GRM6: variants seen among roughly 807,000 people sequenced by gnomAD.
GRM6 encodes the protein metabotropic glutamate receptor 6.
In GRM6, 73 loss-of-function variants were observed where a neutral mutation model predicts 78.4. That is an observed-to-expected ratio of 0.93 (90% confidence interval 0.77 to 1.13). The LOEUF (loss-of-function observed/expected upper bound fraction) is 1.13, where lower values mean the gene tolerates loss of function less well. Ranked by LOEUF, GRM6 falls within the 50% of genes most tolerant of loss-of-function variation. The probability of loss-of-function intolerance (pLI) is 0.00; values close to 1 mark genes in which losing one functional copy is unlikely to be tolerated. For synonymous variants in GRM6, 580 were observed against 555.0 expected (o/e 1.05, Z -0.63); for missense variants, 1,251 against 1,256.4 (o/e 1.00, Z 0.07).
rs1206428210 is a variant in GRM6, at chr5:178,994,974, G to C, written c.-16-14C>G. 123 of 1,141,124 alleles carry C rather than the reference G, an allele frequency of 1.1e-4. No homozygotes were observed. The highest frequency in any genetic ancestry group is 1.3e-4 in the Non-Finnish European group (120 of 928,744). The allele number at this position is 1,141,124 out of a possible 1,614,324, so 70.7% of individuals were successfully genotyped here. ...TCGTCTAGCGGGCTGCGGGGAGACA[G>C]AGGGGCGGGGAGCGCTCTGAGGGCG... is the stretch of plus-strand genomic sequence containing the variant. On this transcript the variant is annotated splice_polypyrimidine_tract_variant and intron_variant, in intron 1 of 10. Transcript: ENST00000517717.
At position 178,989,286 on chromosome 5, in the gene GRM6, C is replaced by T. The variant is rs747002032; in HGVS notation, c.1132G>A (p.Asp378Asn). Residue 378 changes from aspartate (D) to asparagine (N), a missense_variant, in exon 6 of 11, where the codon GAT becomes AAT. By Grantham distance (23) the Asp-to-Asn change is conservative. Coordinates refer to ENST00000517717, the MANE Select transcript of GRM6 (RefSeq NM_000843.4). Reference protein sequence around the residue: ...KLTSSGTQSDDSTRKCTGEER... With the variant: ...KLTSSGTQSDNSTRKCTGEER... ...TCACCTGTGCATTTGCGGGTGGAAT[C>T]GTCTGACTGGGTACCTGAGCTGGTC... 15 of 1,604,228 alleles carry T rather than the reference C, an allele frequency of 9.4e-6. No individual in the cohort carries two copies. The highest frequency in any genetic ancestry group is 5.5e-5 in the South Asian group (5 of 90,576).
At chr5:178,993,004 G>A (rs1420459863) in intron 2 of GRM6, among the ~76,000 whole-genome samples, 1 of 152,116 alleles carries the variant, frequency 6.6e-6, no homozygotes, top group Non-Finnish European at 1.5e-5. Context: ...GGTCCTCCCA[G>A]CTCTCCTGGA....
intron 2 of GRM6, among the ~76,000 whole-genome samples, chr5:178,993,880 C>T (rs1760726678): frequency 6.6e-6 from 1 of 152,132 alleles, no homozygotes. Flanking sequence ...GCCCTGCTCT[C>T]AGATGCCCCT....
At chr5:178,993,666 C>T (rs534525393) in intron 2 of GRM6, among the ~76,000 whole-genome samples, 1 of 152,328 alleles carries the variant, frequency 6.6e-6, no homozygotes, top group Non-Finnish European at 1.5e-5. Flanking sequence ...AACTGTCCCA[C>T]AACCCCCAGT....
chr5:178,993,664 C>T (rs1025936700), intron 2 of GRM6, among the ~76,000 whole-genome samples: 3 of 152,166 alleles, frequency 2.0e-5, no homozygotes, highest in Admixed American at 1.3e-4. Context: ...AAAACTGTCC[C>T]ACAACCCCCA....
chr5:178,991,539 A>T lies in GRM6; in HGVS notation c.742T>A (p.Ser248Thr), dbSNP rs1342105135. 2 of 1,613,766 alleles carry T rather than the reference A, an allele frequency of 1.2e-6. No homozygotes were observed. Among genetic ancestry groups the T allele is most frequent in the African/African-American group, 2.7e-5 (2 of 74,914 alleles). ...TTTGGTTCCCTGGGAATCTTGATAG[A>T]CTGGGCAATACAGACCCCCCCTGGG... is the stretch of plus-strand genomic sequence containing the variant. ...REAGGVCIAQ[S>T]IKIPREPKPG... The change falls in exon 4 of 11, where the codon TCT (serine) becomes ACT (threonine). Residue 248 changes from serine to threonine, a missense_variant. Physicochemically the swap from Ser to Thr is moderately conservative, Grantham distance 58. Transcript: ENST00000517717. The surrounding 1 kb of genome is among the most constrained non-coding windows in gnomAD (Gnocchi z 5.0).
Position 178,983,639 on chromosome 5 carries a change from C to G in GRM6, c.2125-418G>C, listed in dbSNP as rs76759810. On this transcript the variant is annotated intron_variant, in intron 9 of 10. Transcript: ENST00000517717. ...TCGCATCGCCTCTCTAGCCTCCTCA[C>G]GTGTACTGAGCTTCAAAATCAGGGC... The G allele has an allele frequency of 6.3e-4, 224 of 353,604 alleles. 2 individuals carry two copies. In the East Asian group the frequency reaches 0.017, roughly 26 times the overall value. 21.9% of individuals were successfully genotyped at this position (353,604 alleles called of 1,614,324 possible). A position where few individuals can be genotyped will look rare whatever the true frequency, so the allele number is the denominator to read the frequency against.
chr5:178,991,955 C>T lies in GRM6; in HGVS notation c.633G>A (p.Leu211=). The change falls in exon 3 of 11, where the codon CTG becomes CTA. Residue 211 remains leucine (L), a synonymous_variant. Transcript: ENST00000517717. This position sits in a 1 kb window ranked among gnomAD's most constrained non-coding sequence, Gnocchi z 5.0. ...CCAGCGTGGACACATAGTTCCATCC[C>T]AGTGCCCTCACGATGTCCACCATGG... ...AQAMVDIVRA[L]GWNYVSTLAS... 6.2e-7 allele frequency: 1 copy of T among 1,614,176 alleles called. No homozygotes were observed. Among genetic ancestry groups the T allele is most frequent in the Non-Finnish European group, 8.5e-7 (1 of 1,180,046 alleles).
intron 10 of GRM6, among the ~76,000 whole-genome samples, 162 bp from the exon 11 acceptor site, chr5:178,982,016 G>C (rs1034169915): frequency 1.3e-5 from 2 of 152,326 alleles, no homozygotes; most frequent in Admixed American, 1.3e-4. Context: ...CCCCGCGCCT[G>C]AGGGGCTGGC....
intron 7 of GRM6, among the ~76,000 whole-genome samples, chr5:178,987,794 G>C (rs2856363): frequency 0.96 from 146,445 of 151,920 alleles, 70,833 homozygotes; most frequent in East Asian, 1. Context: ...GAGTCTCACT[G>C]TGTCGCCCAG....
At position 178,986,558 on chromosome 5, in the gene GRM6, G is replaced by A; in HGVS notation, c.1696C>T (p.Pro566Ser). The A allele has an allele frequency of 6.8e-6, 11 of 1,608,144 alleles. No homozygotes were observed. The highest frequency in any genetic ancestry group is 7.6e-6 in the Non-Finnish European group (9 of 1,179,556). The change falls in exon 9 of 11, where the codon CCC (proline) becomes TCC (serine). Residue 566 changes from proline to serine, a missense_variant. Coordinates refer to ENST00000517717, the MANE Select transcript of GRM6 (RefSeq NM_000843.4). ...GTGGGGCGGCAGCCCGTGTGGTTGGGCGTGGGCCTCATGTCCCCAGGACAG... is the reference window on the plus strand; with the variant it reads ...GTGGGGCGGCAGCCCGTGTGGTTGGACGTGGGCCTCATGTCCCCAGGACAG... ...EACPGDMRPT[P>S]NHTGCRPTPV...
rs1422866439 is a variant in GRM6 at position 178,986,657 on chromosome 5, C to G, written c.1597G>C (p.Gly533Arg). Reference sequence around the variant, plus strand: ...TCGCAGTGCCAACAGCAGGGGACGCCCTTCACCATCTTCTTCCGCTCCCCC... The same window carrying G: ...TCGCAGTGCCAACAGCAGGGGACGCGCTTCACCATCTTCTTCCGCTCCCCC... ...GPGERKKMVK[G>R]VPCCWHCEAC... is the part of the protein sequence containing the mutation. Residue 533 changes from glycine to arginine, a missense_variant, in exon 9 of 11, where the codon GGC becomes CGC. Coordinates refer to ENST00000517717, the MANE Select transcript of GRM6 (RefSeq NM_000843.4). The G allele has an allele frequency of 6.2e-7, 1 of 1,602,746 alleles. No individual in the cohort carries two copies. The highest frequency in any genetic ancestry group is 1.1e-5 in the South Asian group (1 of 91,088).
rs2113310932 is a variant in GRM6 at position 178,981,764 on chromosome 5, T to C, written c.2527A>G (p.Ile843Val). The change falls in exon 11 of 11, where the codon ATC becomes GTC. Residue 843 changes from isoleucine (I) to valine (V), a missense_variant. By Grantham distance (29) the Ile-to-Val change is conservative. Transcript: ENST00000517717. The surrounding 1 kb of genome is among the most constrained non-coding windows in gnomAD (Gnocchi z 5.1). ...ACATTCTGCTCTGGATGGAAGAGGA[T>C]GACGTAGGTTTTGGGTACGTAGAGC... is the stretch of plus-strand genomic sequence containing the variant. The part of the protein sequence containing the change: ...GMLYVPKTYV[I>V]LFHPEQNVQK... 1 of 1,613,486 alleles carries C rather than the reference T, an allele frequency of 6.2e-7. No homozygotes were observed. Among genetic ancestry groups the C allele is most frequent in the Non-Finnish European group, 8.5e-7 (1 of 1,179,408 alleles).
At position 178,985,694 on chromosome 5, in the gene GRM6, C is replaced by CT. The variant is rs552114413; in HGVS notation, c.2124+435dup. 2.4e-3 allele frequency: 890 copies of CT among 374,174 alleles called. 12 individuals are homozygous for CT. The highest frequency in any genetic ancestry group is 0.023 in the African/African-American group (827 of 36,120). The allele number at this position is 374,174 out of a possible 1,614,324, so 23.2% of individuals were successfully genotyped here. ...CTCCAGCCTGGGCGACACAGCGAGA[C>CT]TCTGTCTAAAAAAAAAAAAACAAAA... On this transcript the variant is annotated intron_variant, in intron 9 of 10. Coordinates refer to ENST00000517717, the MANE Select transcript of GRM6 (RefSeq NM_000843.4).
rs1434467102 is a variant in GRM6 at position 178,994,677 on chromosome 5, G to A, written c.268C>T (p.Arg90Cys). Residue 90 changes from arginine to cysteine, a missense_variant, in exon 2 of 11, where the codon CGC becomes TGC. Transcript: ENST00000517717. ...NADPELLPGV[R>C]LGARLLDTCS... ...GTGTCCAGCAGCCGCGCGCCCAGGC[G>A]CACGCCGGGCAGCAGCTCGGGGTCG... The A allele has an allele frequency of 1.4e-6, 2 of 1,467,912 alleles. No homozygotes were observed. Among genetic ancestry groups the A allele is most frequent in the East Asian group, 3.0e-5 (1 of 33,460 alleles). 90.9% of individuals were successfully genotyped at this position (1,467,912 alleles called of 1,614,324 possible). A position where few individuals can be genotyped will look rare whatever the true frequency, so the allele number is the denominator to read the frequency against.
rs1399732883 is a variant in GRM6, at chr5:178,994,792, G to A, written c.153C>T (p.Gly51=). The part of the protein sequence containing the change: ...LGGLFPVHAR[G]AAGRACGQLK... ...GCTGCCCGCACGCCCGGCCCGCCGC[G>A]CCCCGCGCGTGCACCGGGAACAGGC... The change falls in exon 2 of 11, where the codon GGC becomes GGT. Residue 51 remains glycine, a synonymous_variant. Coordinates refer to ENST00000517717, the MANE Select transcript of GRM6 (RefSeq NM_000843.4). 6.8e-5 allele frequency: 90 copies of A among 1,317,578 alleles called. No homozygotes were observed. The highest frequency in any genetic ancestry group is 8.2e-5 in the Non-Finnish European group (84 of 1,028,824). 81.6% of individuals were successfully genotyped at this position (1,317,578 alleles called of 1,614,324 possible). A position where few individuals can be genotyped will look rare whatever the true frequency, so the allele number is the denominator to read the frequency against.
chr5:178,982,987 A>G lies in GRM6; in HGVS notation c.2359T>C (p.Phe787Leu). 2.5e-6 allele frequency: 4 copies of G among 1,614,158 alleles called. No homozygotes were observed. The highest frequency in any genetic ancestry group is 3.4e-6 in the Non-Finnish European group (4 of 1,180,000). The change falls in exon 10 of 11, where the codon TTC becomes CTC. Residue 787 changes from phenylalanine to leucine, a missense_variant. Transcript: ENST00000517717. ...ATGATGCAGGTGGTGTACATGGTGAAGCCGATGGGCTTGGCCTCGTTGAAG... is the reference window on the plus strand; with the variant it reads ...ATGATGCAGGTGGTGTACATGGTGAGGCCGATGGGCTTGGCCTCGTTGAAG... ...ETFNEAKPIG[F>L]TMYTTCIIWL...
Position 178,992,700 on chromosome 5 carries a change from G to A in GRM6, c.505-617C>T, listed in dbSNP as rs1760702539. 6.6e-6 allele frequency among the ~76,000 whole-genome samples: 1 copy of A among 152,146 alleles called. No individual in the cohort carries two copies. Among genetic ancestry groups the A allele is most frequent in the South Asian group, 2.1e-4 (1 of 4,824 alleles). On this transcript the variant is annotated intron_variant, in intron 2 of 10. Transcript: ENST00000517717. The surrounding 1 kb of genome is among the most constrained non-coding windows in gnomAD (Gnocchi z 4.9). ...CACGGGGCTGAGAAGGCCGCCAAGA[G>A]GGGGCTATGGGGCTCCAGCGCAAGA...
chr5:178,983,315 A>G, intron 9 of GRM6, 94 bp from the exon 10 acceptor site: 1 of 1,096,214 alleles, frequency 9.1e-7, no homozygotes, highest in East Asian at 2.5e-5. Flanking sequence ...GATCCCCTTG[A>G]GGCTCTGGCC....
Sources: allele counts gnomAD v4.1 joint callset (sites outside exome capture counted in the v4.1 genomes callset), GRCh38; gene constraint gnomAD v4.1.1; non-coding constraint Gnocchi (gnomAD v3.1); transcripts MANE v1.5; gene names NCBI Gene and HGNC (gene_info 2026-07-23, HGNC 2026-07-21).